The following RAB11FIP2 variants were observed in gnomAD, a reference collection of about 807,000 sequenced individuals.
RAB11FIP2 encodes RAB11 family interacting protein 2.
A neutral mutation model predicts 40.9 loss-of-function variants in RAB11FIP2; 16 were observed. That is an observed-to-expected ratio of 0.39 (90% CI 0.26 to 0.59). The LOEUF (loss-of-function observed/expected upper bound fraction) is 0.59, where lower values mean the gene tolerates loss of function less well. RAB11FIP2 is among the 20% of genes least tolerant of loss of function. The pLI, the probability that RAB11FIP2 is intolerant of heterozygous loss-of-function variation, is 0.53. For missense variants in RAB11FIP2, 532 were observed against 606.2 expected (o/e 0.88, Z 1.28); for synonymous variants, 228 against 213.7 (o/e 1.07, Z -0.58).
rs1846080693 is a variant in RAB11FIP2 at position 118,005,347 on chromosome 10, T to TAA, written c.*3649_*3650dup. On this transcript the variant is annotated 3_prime_UTR_variant, in exon 5 of 5. Coordinates refer to ENST00000355624, the MANE Select transcript of RAB11FIP2 (RefSeq NM_014904.3). ...CTTGAAGAGCTTCTATACCTCTTAT[T>TAA]AAATATATCAGAAAATGCTTCATAT... The TAA allele has an allele frequency of 6.6e-6, 1 of 152,630 alleles. No individual in the cohort carries two copies. The highest frequency in any genetic ancestry group is 1.5e-5 in the Non-Finnish European group (1 of 68,042). The allele number at this position is 152,630 out of a possible 1,614,324, so 9.5% of individuals were successfully genotyped here.
rs369279241 is a variant in RAB11FIP2 at position 118,043,274 on chromosome 10, A to G, written c.353+2537T>C. On this transcript the variant is annotated intron_variant, in intron 1 of 4. Transcript: ENST00000355624. ...TAAAATCTGCATATGTCTGAGTCAC[A>G]TCTAACTCTACAGACTCTGGTTGTT... is the stretch of plus-strand genomic sequence containing the variant. Among the ~76,000 whole-genome samples the G allele has an allele frequency of 3.0e-3, 459 of 152,272 alleles. 2 individuals are homozygous for G. The highest frequency in any genetic ancestry group is 4.7e-3 in the Non-Finnish European group (320 of 68,020).
chr10:118,036,743 A>G (rs1168597389), intron 3 of RAB11FIP2, among the ~76,000 whole-genome samples: 2 of 152,176 alleles, frequency 1.3e-5, no homozygotes, highest in African/African-American at 4.8e-5. Flanking sequence ...AGAGAAAGTC[A>G]TAAAATGAAA....
In RAB11FIP2 at chr10:118,007,291, C is replaced by T. The variant is rs1846101346; in HGVS notation, c.*1707G>A. 6.6e-6 allele frequency: 1 copy of T among 151,360 alleles called. No homozygotes were observed. The highest frequency in any genetic ancestry group is 1.5e-5 in the Non-Finnish European group (1 of 67,790). The allele number at this position is 151,360 out of a possible 1,614,324, so 9.4% of individuals were successfully genotyped here. On this transcript the variant is annotated 3_prime_UTR_variant, in exon 5 of 5. Coordinates refer to ENST00000355624, the MANE Select transcript of RAB11FIP2 (RefSeq NM_014904.3). The stretch of plus-strand genomic sequence containing the variant: ...AAAAGCTATTTTTCCTTCTCCATTT[C>T]TTAAAGCATTTAATTTTTATGAAAA...
At chr10:118,036,057 G>T (rs573410388) in intron 3 of RAB11FIP2, among the ~76,000 whole-genome samples, 2 of 151,754 alleles carry the variant, frequency 1.3e-5, no homozygotes, top group African/African-American at 4.8e-5. Context: ...TTAACACTAA[G>T]GAATAAAAAG....
rs1846105658 is a variant in RAB11FIP2, at chr10:118,007,420, T to C, written c.*1578A>G. ...TTACAAATACGAGCTTGGCCAAGTATTCTCTGATTCAAAATACTAAAATAA... is the reference window on the plus strand; with the variant it reads ...TTACAAATACGAGCTTGGCCAAGTACTCTCTGATTCAAAATACTAAAATAA... On this transcript the variant is annotated 3_prime_UTR_variant, in exon 5 of 5. Coordinates refer to ENST00000355624, the MANE Select transcript of RAB11FIP2 (RefSeq NM_014904.3). 1.3e-5 allele frequency: 2 copies of C among 151,688 alleles called. No individual in the cohort carries two copies. Among genetic ancestry groups the C allele is most frequent in the African/African-American group, 2.4e-5 (1 of 41,366 alleles). The allele number at this position is 151,688 out of a possible 1,614,324, so 9.4% of individuals were successfully genotyped here. A position where few individuals can be genotyped will look rare whatever the true frequency, so the allele number is the denominator to read the frequency against.
chr10:118,037,394 T>C (rs1354578021), intron 3 of RAB11FIP2, among the ~76,000 whole-genome samples: 1 of 152,146 alleles, frequency 6.6e-6, no homozygotes, highest in South Asian at 2.1e-4. Flanking sequence ...TGCAAATTTT[T>C]AAAATATCAT....
chr10:118,010,260 C>G (rs1300390731), intron 4 of RAB11FIP2, among the ~76,000 whole-genome samples: 1 of 151,994 alleles, frequency 6.6e-6, no homozygotes, highest in Non-Finnish European at 1.5e-5. Flanking sequence ...TCTCATTAAG[C>G]CCAACAATTT....
At chr10:118,010,646 A>G (rs7072075) in intron 4 of RAB11FIP2, among the ~76,000 whole-genome samples, 7,141 of 152,154 alleles carry the variant, frequency 0.047, 399 homozygotes, top group East Asian at 0.17. Flanking sequence ...TCATTGAAGC[A>G]CACCCACTTC....
At chr10:118,013,187 A>G (rs1027404636) in intron 4 of RAB11FIP2, among the ~76,000 whole-genome samples, 3 of 152,100 alleles carry the variant, frequency 2.0e-5, no homozygotes, top group Admixed American at 1.3e-4. Flanking sequence ...TTGGTGGGGT[A>G]CTAACTGACA....
intron 4 of RAB11FIP2, 44 bp downstream of exon 4, chr10:118,015,021 C>G: frequency 6.6e-7 from 1 of 1,515,764 alleles, no homozygotes; most frequent in Non-Finnish European, 9.0e-7. Flanking sequence ...GAGAAAAAGA[C>G]CAGCTTACTC....
Position 118,006,103 on chromosome 10 carries a change from G to C in RAB11FIP2, c.*2895C>G, listed in dbSNP as rs1405927478. ...ACTTAAAAACGTTTTTCATGAATGG[G>C]TTACATGTTGTTTTATATACAATTC... On this transcript the variant is annotated 3_prime_UTR_variant, in exon 5 of 5. Coordinates refer to ENST00000355624, the MANE Select transcript of RAB11FIP2 (RefSeq NM_014904.3). The C allele has an allele frequency of 6.6e-6, 1 of 152,504 alleles. No homozygotes were observed. Among genetic ancestry groups the C allele is most frequent in the Admixed American group, 6.6e-5 (1 of 15,266 alleles). The allele number at this position is 152,504 out of a possible 1,614,324, so 9.4% of individuals were successfully genotyped here.
chr10:118,025,923 C>A (rs561541605), intron 3 of RAB11FIP2, among the ~76,000 whole-genome samples: 2 of 152,210 alleles, frequency 1.3e-5, no homozygotes, highest in Admixed American at 6.5e-5. Context: ...CTGTACCACC[C>A]AGGACAGTTA....
chr10:118,024,886 G>A (rs1009973361), intron 3 of RAB11FIP2, among the ~76,000 whole-genome samples: 3 of 152,136 alleles, frequency 2.0e-5, no homozygotes, highest in Non-Finnish European at 2.9e-5. Context: ...AGCCTGCAAT[G>A]AAGCCCCTGG....
chr10:118,036,546 T>C (rs539113137), intron 3 of RAB11FIP2, among the ~76,000 whole-genome samples: 50 of 152,218 alleles, frequency 3.3e-4, no homozygotes, highest in African/African-American at 1.2e-3. Flanking sequence ...GCCAAAAGTG[T>C]GAACTGCACA....
intron 3 of RAB11FIP2, among the ~76,000 whole-genome samples, chr10:118,037,568 T>G (rs376584335): frequency 6.6e-6 from 1 of 152,062 alleles, no homozygotes; most frequent in South Asian, 2.1e-4. Context: ...GATTCCCTAT[T>G]TGGGGCCTGG....
intron 3 of RAB11FIP2, among the ~76,000 whole-genome samples, chr10:118,027,877 C>G (rs983828709): frequency 7.4e-4 from 112 of 152,122 alleles, no homozygotes; most frequent in African/African-American, 2.7e-3. Flanking sequence ...AGTCATGCCC[C>G]AACTTACAAA....
At position 118,046,215 on chromosome 10, in the gene RAB11FIP2, C is replaced by G. The variant is rs1323063580; in HGVS notation, c.-52G>C. ...TCCCTAGCACAGGCAGTGCCCCTCCCGGAGGGAGAGCCTAATTCCTTAATC... is the reference window on the plus strand; with the variant it reads ...TCCCTAGCACAGGCAGTGCCCCTCCGGGAGGGAGAGCCTAATTCCTTAATC... On this transcript the variant is annotated 5_prime_UTR_variant, in exon 1 of 5. Coordinates refer to ENST00000355624, the MANE Select transcript of RAB11FIP2 (RefSeq NM_014904.3). The G allele has an allele frequency of 6.1e-6, 9 of 1,476,140 alleles. No homozygotes were observed. The allele number at this position is 1,476,140 out of a possible 1,614,324, so 91.4% of individuals were successfully genotyped here. A position where few individuals can be genotyped will look rare whatever the true frequency, so the allele number is the denominator to read the frequency against.
intron 1 of RAB11FIP2, among the ~76,000 whole-genome samples, chr10:118,044,668 A>C (rs1385545719): frequency 6.6e-6 from 1 of 152,288 alleles, no homozygotes; most frequent in South Asian, 2.1e-4. Flanking sequence ...CTGATTTAAA[A>C]TGAAACAAAA....
intron 4 of RAB11FIP2, 81 bp downstream of exon 4, chr10:118,014,984 C>T: frequency 8.0e-7 from 1 of 1,248,402 alleles, no homozygotes; most frequent in South Asian, 1.4e-5. Flanking sequence ...GGCAAGAAGA[C>T]AAAGGCATTT....
Sources: allele counts gnomAD v4.1 joint callset (sites outside exome capture counted in the v4.1 genomes callset), GRCh38; gene constraint gnomAD v4.1.1; transcripts MANE v1.5; gene names NCBI Gene and HGNC (gene_info 2026-07-23, HGNC 2026-07-21).